Variants in MAZ observed in about 807,000 individuals in gnomAD.
MAZ encodes MYC associated zinc finger protein.
A neutral mutation model predicts 32.7 loss-of-function variants in MAZ; 4 were observed. The ratio of observed to expected loss-of-function variants is 0.12; its 90% CI spans 0.06 to 0.28. The LOEUF (loss-of-function observed/expected upper bound fraction) is 0.28. Among genes scored for constraint, MAZ ranks in the 10% least tolerant of loss-of-function variants. MAZ has a pLI of 1.00. For synonymous variants in MAZ, 510 were observed against 297.6 expected (o/e 1.71, Z -7.35); for missense variants, 763 against 667.2 (o/e 1.14, Z -1.58).
chr16:29,806,196 C>G, upstream of MAZ: 2 of 388,856 alleles, frequency 5.1e-6, no homozygotes, highest in Non-Finnish European at 8.6e-6. Context: ...AACTCCCTCC[C>G]CCCGCCCCCA....
upstream of MAZ, chr16:29,806,479 G>C (rs1459945362): frequency 4.4e-6 from 1 of 227,988 alleles, no homozygotes; most frequent in African/African-American, 2.7e-5. Flanking sequence ...CCCCACCCAG[G>C]GGGCGTCGCC....
At chr16:29,808,838 A>T in intron 4 of MAZ, 97 bp downstream of exon 4, 1 of 1,273,348 alleles carries the variant, frequency 7.9e-7, no homozygotes. Flanking sequence ...TGTAGCCAAG[A>T]GCTCGTGGCG....
upstream of MAZ, chr16:29,806,129 C>A: frequency 8.1e-7 from 1 of 1,238,872 alleles, no homozygotes; most frequent in Non-Finnish European, 1.1e-6. Flanking sequence ...GAGCCACCTC[C>A]CTCCCTCCCT....
rs1309925633 is a variant in MAZ, at chr16:29,810,375, A to T, written c.*144A>T. The T allele has an allele frequency of 2.2e-6, 2 of 897,458 alleles. No individual in the cohort carries two copies. The highest frequency in any genetic ancestry group is 4.0e-5 in the Admixed American group (2 of 50,206). 55.6% of individuals were successfully genotyped at this position (897,458 alleles called of 1,614,324 possible). On this transcript the variant is annotated 3_prime_UTR_variant, in exon 5 of 5. Coordinates refer to ENST00000322945, the MANE Select transcript of MAZ (RefSeq NM_002383.4). Reference sequence around the variant, plus strand: ...GGAAAGGAGGAAGAAATGTTTTCTTAGGGGAATTCGCTAGGTTTTAACGAT... The same window carrying T: ...GGAAAGGAGGAAGAAATGTTTTCTTTGGGGAATTCGCTAGGTTTTAACGAT...
Position 29,806,538 on chromosome 16 carries a change from TC to T in MAZ, c.-161del. 2 of 794,880 alleles carry T rather than the reference TC, an allele frequency of 2.5e-6. No individual in the cohort carries two copies. The highest frequency in any genetic ancestry group is 3.0e-6 in the Non-Finnish European group (2 of 671,208). The allele number at this position is 794,880 out of a possible 1,614,324, so 49.2% of individuals were successfully genotyped here. On this transcript the variant is annotated 5_prime_UTR_variant, in exon 1 of 5. Coordinates refer to ENST00000322945, the MANE Select transcript of MAZ (RefSeq NM_002383.4). ...CGGCCCGCAAGGCGCCCTCTTTTCC[TC>T]CCTCCCGCCGGCCGGGGTGCGCGGG...
chr16:29,809,791 C>T lies in MAZ; in HGVS notation c.1280-286C>T, dbSNP rs911570738. On this transcript the variant is annotated intron_variant, in intron 4 of 4. Coordinates refer to ENST00000322945, the MANE Select transcript of MAZ (RefSeq NM_002383.4). ...CAAGGCGTGGGGCATGGCTGGGGGGCGGGATGGGGGGTGTGGGGGACAACG... is the reference window on the plus strand; with the variant it reads ...CAAGGCGTGGGGCATGGCTGGGGGGTGGGATGGGGGGTGTGGGGGACAACG... 1.9e-5 allele frequency: 23 copies of T among 1,213,408 alleles called. No individual in the cohort carries two copies. In the South Asian group the frequency reaches 1.9e-4, roughly 10 times the overall value. 75.2% of individuals were successfully genotyped at this position (1,213,408 alleles called of 1,614,324 possible).
chr16:29,806,199 C>T, upstream of MAZ: 3 of 417,364 alleles, frequency 7.2e-6, no homozygotes, highest in Non-Finnish European at 1.2e-5. Flanking sequence ...TCCCTCCCCC[C>T]GCCCCCACCC....
Position 29,810,586 on chromosome 16 carries a change from C to G in MAZ, c.*355C>G. On this transcript the variant is annotated 3_prime_UTR_variant, in exon 5 of 5. Coordinates refer to ENST00000322945, the MANE Select transcript of MAZ (RefSeq NM_002383.4). ...GGGACTTGTGAGCCTCTTCCCTCGACGGTCCTCTTCTCTCCTTCCAGTCCT... is the reference window on the plus strand; with the variant it reads ...GGGACTTGTGAGCCTCTTCCCTCGAGGGTCCTCTTCTCTCCTTCCAGTCCT... The G allele has an allele frequency of 1.5e-6, 1 of 689,086 alleles. No individual in the cohort carries two copies. 42.7% of individuals were successfully genotyped at this position (689,086 alleles called of 1,614,324 possible).
chr16:29,809,888 T>C, intron 4 of MAZ, 189 bp from the exon 5 acceptor site: 1 of 1,111,130 alleles, frequency 9.0e-7, no homozygotes, highest in Non-Finnish European at 1.3e-6. Flanking sequence ...CTAGGGAGAC[T>C]TCTGGGCACA....
chr16:29,808,018 G>A (rs1899633888), intron 2 of MAZ, 190 bp downstream of exon 2: 7 of 1,199,730 alleles, frequency 5.8e-6, no homozygotes, highest in South Asian at 1.5e-5. Context: ...GAGGAGGTGG[G>A]CCTTGGGGTT....
chr16:29,809,539 G>C, intron 4 of MAZ: 1 of 1,602,340 alleles, frequency 6.2e-7, no homozygotes, highest in South Asian at 1.1e-5. Flanking sequence ...CCCCCCAATA[G>C]GCTTCACCAC....
At chr16:29,808,064 GGCAGCGGCT>G in intron 2 of MAZ, 157 bp from the exon 3 acceptor site, 2 of 981,656 alleles carry the variant, frequency 2.0e-6, no homozygotes. Flanking sequence ...CGGCGGCGGC[GGCAGCGGCT>G]GCTGGGCTCC....
chr16:29,809,787 G>A (rs1899806793), intron 4 of MAZ: 2 of 1,222,156 alleles, frequency 1.6e-6, no homozygotes, highest in Non-Finnish European at 2.2e-6. Flanking sequence ...GCATGGCTGG[G>A]GGGCGGGATG....
chr16:29,810,549 C>T lies in MAZ; in HGVS notation c.*318C>T. On this transcript the variant is annotated 3_prime_UTR_variant, in exon 5 of 5. Transcript: ENST00000322945. ...CCCTCTCCTCTCTGTAAGCCCATGC[C>T]CTGTCTTCCCAGGGACTTGTGAGCC... 2 of 700,498 alleles carry T rather than the reference C, an allele frequency of 2.9e-6. No individual in the cohort carries two copies. The highest frequency in any genetic ancestry group is 1.5e-5 in the South Asian group (1 of 66,726). The allele number at this position is 700,498 out of a possible 1,614,324, so 43.4% of individuals were successfully genotyped here. A position where few individuals can be genotyped will look rare whatever the true frequency, so the allele number is the denominator to read the frequency against.
rs778245134 is a variant in MAZ at position 29,810,129 on chromosome 16, A to AGCGGCAGCGGCG, written c.1334_1335insGGCAGCGGCGGC (p.Ala445_Ala448dup). 5.0e-6 allele frequency: 8 copies of AGCGGCAGCGGCG among 1,600,538 alleles called. No individual in the cohort carries two copies. Among genetic ancestry groups the AGCGGCAGCGGCG allele is most frequent in the Non-Finnish European group, 6.8e-6 (8 of 1,171,830 alleles). On this transcript the variant is annotated inframe_insertion, in exon 5 of 5. Transcript: ENST00000322945. The stretch of plus-strand genomic sequence containing the variant: ...CGGCAGCGGCAGCGGCGGCAGCGGC[A>AGCGGCAGCGGCG]GCAGCGGCAGCAGTAGCAGCCCCTC...
Position 29,807,240 on chromosome 16 carries a change from C to A in MAZ, c.455C>A (p.Ser152Tyr). The change falls in exon 2 of 5, where the codon TCC becomes TAC. Residue 152 changes from serine to tyrosine, a missense_variant. By Grantham distance (144) the Ser-to-Tyr change is moderately radical (BLOSUM62 -2). Coordinates refer to ENST00000322945, the MANE Select transcript of MAZ (RefSeq NM_002383.4). ...APAAEAAPPASAATIAAAAAT... is the reference protein window; with the variant it reads ...APAAEAAPPAYAATIAAAAAT... The stretch of plus-strand genomic sequence containing the variant: ...GCGGCCGAGGCCGCGCCCCCCGCCT[C>A]CGCCGCCACTATCGCCGCGGCGGCG... 7.1e-7 allele frequency: 1 copy of A among 1,411,268 alleles called. No homozygotes were observed. Among genetic ancestry groups the A allele is most frequent in the Non-Finnish European group, 9.3e-7 (1 of 1,077,558 alleles). 87.4% of individuals were successfully genotyped at this position (1,411,268 alleles called of 1,614,324 possible). A position where few individuals can be genotyped will look rare whatever the true frequency, so the allele number is the denominator to read the frequency against.
chr16:29,810,038 T>G (rs774988277), intron 4 of MAZ, 39 bp from the exon 5 acceptor site: 1 of 1,580,616 alleles, frequency 6.3e-7, no homozygotes, highest in Non-Finnish European at 8.6e-7. Context: ...CTCTTGCCAT[T>G]CAGATCGCGC....
chr16:29,807,667 G>C lies in MAZ; in HGVS notation c.882G>C (p.Leu294=). 1.2e-6 allele frequency: 2 copies of C among 1,612,892 alleles called. No individual in the cohort carries two copies. Among genetic ancestry groups the C allele is most frequent in the Non-Finnish European group, 1.7e-6 (2 of 1,179,954 alleles). Residue 294 remains leucine, a synonymous_variant, in exon 2 of 5, where the codon CTG becomes CTC. Coordinates refer to ENST00000322945, the MANE Select transcript of MAZ (RefSeq NM_002383.4). ...AGGCCTTCCGCGACGTCTACCACCT[G>C]AACCGACACAAGCTGTCGCACTCGG... ...CGKAFRDVYH[L]NRHKLSHSDE...
chr16:29,809,480 C>T, intron 4 of MAZ: 1 of 1,105,234 alleles, frequency 9.0e-7, no homozygotes, highest in Admixed American at 1.8e-5. Flanking sequence ...GGAGATCAGC[C>T]CCGTCTCTGG....
Sources: gnomAD v4.1 joint callset for allele counts on GRCh38, gnomAD v4.1.1 for gene constraint, MANE v1.5 for transcripts, NCBI Gene and HGNC (gene_info 2026-07-23, HGNC 2026-07-21) for gene names.